Variants in RSF1 observed in about 807,000 individuals in gnomAD.
RSF1 encodes remodeling and spacing factor 1, also known as HBV pX-associated protein 8.
Under a neutral mutation model 145.2 loss-of-function variants are expected in RSF1, and 13 were observed. The ratio of observed to expected loss-of-function variants is 0.09; its 90% CI spans 0.06 to 0.14. RSF1 has a LOEUF of 0.14. Ranked by LOEUF, RSF1 falls within the 10% of genes least tolerant of loss-of-function variation. The pLI is 1.00. For synonymous variants in RSF1, 577 were observed against 592.6 expected (o/e 0.97, Z 0.38); for missense variants, 1,517 against 1,718.2 (o/e 0.88, Z 2.07).
At chr11:77,734,973 C>G in intron 4 of RSF1, 1 of 1,596,926 alleles carries the variant, frequency 6.3e-7, no homozygotes, top group Non-Finnish European at 8.5e-7. Context: ...TGATGGCGGC[C>G]TCTGAGTCCT....
intron 5 of RSF1, 40 bp downstream of exon 5, chr11:77,725,505 G>C: frequency 6.9e-7 from 1 of 1,459,666 alleles, no homozygotes; most frequent in African/African-American, 1.4e-5. Context: ...ATATGGAAGA[G>C]ATTACAAAAC....
rs1959243991 is a variant in RSF1, at chr11:77,662,083, AAAGG to A, written c.*4830_*4833del. 6.6e-6 allele frequency: 1 copy of A among 152,172 alleles called. No individual in the cohort carries two copies. Among genetic ancestry groups the A allele is most frequent in the Non-Finnish European group, 1.5e-5 (1 of 68,006 alleles). The allele number at this position is 152,172 out of a possible 1,614,324, so 9.4% of individuals were successfully genotyped here. A position where few individuals can be genotyped will look rare whatever the true frequency, so the allele number is the denominator to read the frequency against. On this transcript the variant is annotated 3_prime_UTR_variant, in exon 16 of 16. Coordinates refer to ENST00000308488, the MANE Select transcript of RSF1 (RefSeq NM_016578.4). ...TCTAACTTGTACCGGTTTGGCCAAA[AAAGG>A]AAAAAACAAAATTCCTTTAAAAATG...
chr11:77,753,637 T>C (rs1247474927), intron 2 of RSF1, among the ~76,000 whole-genome samples: 2 of 152,258 alleles, frequency 1.3e-5, no homozygotes, highest in African/African-American at 4.8e-5. Flanking sequence ...ATTTTATGTG[T>C]GCCCCAAGGT....
intron 2 of RSF1, among the ~76,000 whole-genome samples, chr11:77,748,502 T>G (rs1948026966): frequency 6.6e-6 from 1 of 151,894 alleles, no homozygotes; most frequent in South Asian, 2.1e-4. Context: ...ATATATTACT[T>G]CCTCTGGCTG....
At chr11:77,686,628 C>T (rs1960015258) in intron 9 of RSF1, among the ~76,000 whole-genome samples, 1 of 151,854 alleles carries the variant, frequency 6.6e-6, no homozygotes. Context: ...GCCCTGCTAA[C>T]AAGAATATTC....
intron 9 of RSF1, among the ~76,000 whole-genome samples, chr11:77,687,617 G>C (rs1960044743): frequency 6.6e-6 from 1 of 152,082 alleles, no homozygotes; most frequent in East Asian, 1.9e-4. Flanking sequence ...TGAGGTGGGA[G>C]GATCACTTAA....
intron 13 of RSF1, 33 bp downstream of exon 13, chr11:77,676,759 C>G (rs1262421430): frequency 6.9e-6 from 11 of 1,592,136 alleles, no homozygotes; most frequent in Non-Finnish European, 7.7e-6. Flanking sequence ...CTGCTGGTAT[C>G]TAGGGATCGG....
intron 1 of RSF1, among the ~76,000 whole-genome samples, chr11:77,776,167 G>T (rs1948340134): frequency 6.6e-6 from 1 of 152,036 alleles, no homozygotes; most frequent in Non-Finnish European, 1.5e-5. Context: ...GTGAGTGATT[G>T]CACCAACTGC....
At chr11:77,836,097 A>G in the RSF1 span, among the ~76,000 whole-genome samples, 1 of 152,126 alleles carries the variant, frequency 6.6e-6, no homozygotes, top group Non-Finnish European at 1.5e-5. Flanking sequence ...ACAGATCTAA[A>G]ATATCTGGTA....
chr11:77,836,484 T>G, the RSF1 span, among the ~76,000 whole-genome samples: 1 of 152,122 alleles, frequency 6.6e-6, no homozygotes, highest in Non-Finnish European at 1.5e-5. Flanking sequence ...CAACCAATCC[T>G]ATTGGCACCT....
chr11:77,747,992 G>A (rs909513074), intron 2 of RSF1, among the ~76,000 whole-genome samples: 4 of 152,116 alleles, frequency 2.6e-5, no homozygotes, highest in African/African-American at 9.7e-5. Context: ...GGCCAAAGGA[G>A]AAGAACCAAC....
intron 1 of RSF1, among the ~76,000 whole-genome samples, chr11:77,809,126 C>A (rs983372390): frequency 6.6e-6 from 1 of 152,150 alleles, no homozygotes; most frequent in African/African-American, 2.4e-5. Context: ...TTTCTCCAAC[C>A]CTTTAACACT....
intron 2 of RSF1, among the ~76,000 whole-genome samples, chr11:77,748,229 CTT>C (rs1351360671): frequency 4.9e-5 from 6 of 121,278 alleles, no homozygotes; most frequent in Non-Finnish European, 7.1e-5. Context: ...TTTTTTTTTT[CTT>C]TTTTTTTTTT....
the RSF1 span, among the ~76,000 whole-genome samples, chr11:77,859,403 A>G: frequency 5.3e-4 from 80 of 152,290 alleles, no homozygotes; most frequent in African/African-American, 1.9e-3. Flanking sequence ...ATAATTTCCT[A>G]ATGGCTTCCT....
the RSF1 span, among the ~76,000 whole-genome samples, chr11:77,863,370 G>A: frequency 1.3e-5 from 2 of 152,136 alleles, no homozygotes; most frequent in Non-Finnish European, 2.9e-5. Flanking sequence ...GACGGTGAGC[G>A]AAAACTCAGC....
At position 77,701,808 on chromosome 11, in the gene RSF1, G is replaced by C; in HGVS notation, c.1421C>G (p.Pro474Arg). The C allele has an allele frequency of 6.2e-7, 1 of 1,613,918 alleles. No homozygotes were observed. The highest frequency in any genetic ancestry group is 2.2e-5 in the East Asian group (1 of 44,866). Residue 474 changes from proline to arginine, a missense_variant, in exon 6 of 16, where the codon CCC becomes CGC. Pro to Arg is a moderately radical substitution (Grantham distance 103). This residue lies in a region of RSF1 where 579 missense variants were observed against 553.5 expected (regional missense o/e 1.05). Transcript: ENST00000308488. ...CGTGATGATATTTCTGTCCTTAGAG[G>C]GGCTATAGCTCTCTTCCTTTGTCTC... ...FYETKEESYS[P>R]SKDRNIITEG... is the part of the protein sequence containing the mutation.
At chr11:77,842,648 T>C in the RSF1 span, 2 of 1,612,978 alleles carry the variant, frequency 1.2e-6, no homozygotes, top group Non-Finnish European at 1.7e-6. Context: ...TAGTCTTTGG[T>C]TGATACTACA....
intron 1 of RSF1, among the ~76,000 whole-genome samples, chr11:77,819,682 G>A (rs544680957): frequency 5.3e-5 from 8 of 152,306 alleles, no homozygotes; most frequent in Admixed American, 3.9e-4. Flanking sequence ...CAAATGGGAG[G>A]GAGACGACTT....
rs1565139242 is a variant in RSF1, at chr11:77,663,046, T to C, written c.*3871A>G. 6.6e-6 allele frequency: 1 copy of C among 152,230 alleles called. No homozygotes were observed. Among genetic ancestry groups the C allele is most frequent in the Non-Finnish European group, 1.5e-5 (1 of 68,032 alleles). The allele number at this position is 152,230 out of a possible 1,614,324, so 9.4% of individuals were successfully genotyped here. A position where few individuals can be genotyped will look rare whatever the true frequency, so the allele number is the denominator to read the frequency against. ...ACACACACACACACATATACACATGTACCATTTAACTCTGGGTCTTTGAAT... is the reference window on the plus strand; with the variant it reads ...ACACACACACACACATATACACATGCACCATTTAACTCTGGGTCTTTGAAT... On this transcript the variant is annotated 3_prime_UTR_variant, in exon 16 of 16. Transcript: ENST00000308488.
Sources: allele counts gnomAD v4.1 joint callset (sites outside exome capture counted in the v4.1 genomes callset), GRCh38; gene constraint gnomAD v4.1.1; regional missense constraint gnomAD v4.1.1; transcripts MANE v1.5; gene names NCBI Gene and HGNC (gene_info 2026-07-23, HGNC 2026-07-21).